PCDH11X: variants seen among roughly 807,000 people sequenced by gnomAD.
PCDH11X encodes the protein protocadherin 11 X-linked, also known as protocadherin-11 X-linked.
PCDH11X carries 18 observed loss-of-function variants against 53.3 expected under a neutral mutation model. That is an observed-to-expected ratio of 0.34 (90% CI 0.23 to 0.50). The LOEUF is 0.50. Ranked by LOEUF, PCDH11X falls within the 20% of genes least tolerant of loss-of-function variation. PCDH11X has a pLI of 0.98. For synonymous variants in PCDH11X, 279 were observed against 393.3 expected (o/e 0.71, Z 3.44); for missense variants, 570 against 1,032.4 (o/e 0.55, Z 6.14).
chrX:92,056,125 A>G (rs1332580522), intron 6 of PCDH11X, among the ~76,000 whole-genome samples: 1 of 111,271 alleles, frequency 9.0e-6, no homozygotes, highest in East Asian at 2.8e-4. Context: ...TGTCTGCTGC[A>G]ATGGTTGAAT....
intron 10 of PCDH11X, among the ~76,000 whole-genome samples, chrX:92,590,730 G>A (rs1338240875): frequency 9.1e-6 from 1 of 110,320 alleles, no homozygotes. Context: ...GTCTGGAATC[G>A]GTTTGGAAGG....
At chrX:92,468,474 T>C (rs938563053) in intron 10 of PCDH11X, 152 bp downstream of exon 10, 3 of 429,155 alleles carry the variant, frequency 7.0e-6, no homozygotes, top group African/African-American at 5.1e-5. Flanking sequence ...TTAAAATATC[T>C]GAAATCTAGG....
At chrX:92,144,350 A>G (rs2065237308) in intron 6 of PCDH11X, among the ~76,000 whole-genome samples, 1 of 110,079 alleles carries the variant, frequency 9.1e-6, no homozygotes, top group African/African-American at 3.4e-5. Flanking sequence ...CTTGAATTGT[A>G]TCTCCCAGAA....
At chrX:91,933,489 A>G (rs1189132190) in intron 6 of PCDH11X, among the ~76,000 whole-genome samples, 8 of 111,684 alleles carry the variant, frequency 7.2e-5, no homozygotes, top group African/African-American at 2.6e-4. Flanking sequence ...ACCTTCAAAC[A>G]CAATTTAGCA....
chrX:92,246,629 G>A (rs1337080039), intron 7 of PCDH11X, among the ~76,000 whole-genome samples: 6 of 111,667 alleles, frequency 5.4e-5, no homozygotes, highest in Non-Finnish European at 9.4e-5. Flanking sequence ...GGGATTATAG[G>A]TGTAAGCCAC....
At chrX:92,322,501 G>A (rs768204103) in intron 8 of PCDH11X, among the ~76,000 whole-genome samples, 349 of 111,158 alleles carry the variant, frequency 3.1e-3, no homozygotes, top group Non-Finnish European at 4.9e-3. Flanking sequence ...GTAGGGACTC[G>A]GGTATAGTCT....
intron 8 of PCDH11X, among the ~76,000 whole-genome samples, chrX:92,380,526 T>G (rs2070853378): frequency 8.9e-6 from 1 of 112,306 alleles, no homozygotes; most frequent in Admixed American, 9.4e-5. Context: ...AGGTGATTTC[T>G]ACGTAGCTGA....
intron 6 of PCDH11X, among the ~76,000 whole-genome samples, chrX:92,100,367 G>C (rs377452519): frequency 6.3e-5 from 7 of 110,390 alleles, no homozygotes; most frequent in African/African-American, 2.0e-4. Flanking sequence ...GGGTGGGGCC[G>C]TTTGATAGGA....
At chrX:91,901,112 TTAAC>T (rs1253163865) in intron 6 of PCDH11X, among the ~76,000 whole-genome samples, 1 of 110,308 alleles carries the variant, frequency 9.1e-6, no homozygotes, top group African/African-American at 3.3e-5. Context: ...CTTAGGATCT[TTAAC>T]TATAAAAATG....
At chrX:91,925,381 T>C (rs1480863923) in intron 6 of PCDH11X, among the ~76,000 whole-genome samples, 4 of 111,411 alleles carry the variant, frequency 3.6e-5, no homozygotes, top group Admixed American at 1.9e-4. Flanking sequence ...ATTTGTACCA[T>C]TGTAAAGTAA....
chrX:92,516,106 A>G (rs1266281232), intron 10 of PCDH11X, among the ~76,000 whole-genome samples: 2 of 111,466 alleles, frequency 1.8e-5, no homozygotes, highest in Non-Finnish European at 3.8e-5. Flanking sequence ...TAGAAAAGTG[A>G]CTGATTTATA....
intron 8 of PCDH11X, among the ~76,000 whole-genome samples, chrX:92,313,185 AT>A (rs58450439): frequency 0.052 from 5,668 of 108,060 alleles, 259 homozygotes; most frequent in African/African-American, 0.15. Context: ...AAATGTGTAC[AT>A]TTTTTTTTTC....
In PCDH11X at chrX:91,980,728, C is replaced by T. The variant is rs990128786; in HGVS notation, c.3033+101455C>T. On this transcript the variant is annotated intron_variant, in intron 6 of 10. Coordinates refer to ENST00000682573, the MANE Select transcript of PCDH11X (RefSeq NM_032968.5). ...GGGATTACAGGCATGAACCACCATG[C>T]CCAGCCCCAAACTGGAGATCTGTAT... is the stretch of plus-strand genomic sequence containing the variant. Among the ~76,000 whole-genome samples the T allele has an allele frequency of 4.6e-5, 5 of 107,789 alleles. No individual in the cohort carries two copies. The Admixed American group carries it at 5.1e-4, about 11-fold the overall frequency. 93.6% of individuals were successfully genotyped at this position (107,789 alleles called of 115,157 possible).
intron 6 of PCDH11X, among the ~76,000 whole-genome samples, chrX:92,094,747 C>T (rs2064107719): frequency 9.0e-6 from 1 of 111,551 alleles, no homozygotes; most frequent in African/African-American, 3.3e-5. Flanking sequence ...GGACAATATG[C>T]TATGCCATCA....
intron 7 of PCDH11X, among the ~76,000 whole-genome samples, chrX:92,258,714 G>T (rs1017970819): frequency 3.6e-5 from 4 of 111,731 alleles, no homozygotes; most frequent in African/African-American, 1.3e-4. Context: ...CCCTGAAAAT[G>T]GAGACTTTTT....
chrX:91,926,630 T>A (rs1941957433), intron 6 of PCDH11X, among the ~76,000 whole-genome samples: 2 of 111,176 alleles, frequency 1.8e-5, no homozygotes, highest in East Asian at 5.7e-4. Context: ...CATGTGTAAT[T>A]CTTATTGTAA....
intron 9 of PCDH11X, among the ~76,000 whole-genome samples, chrX:92,442,155 C>T (rs1441605486): frequency 1.8e-5 from 2 of 111,320 alleles, no homozygotes; most frequent in Non-Finnish European, 3.8e-5. Flanking sequence ...TAGGAAGTAA[C>T]GAACTTGCTT....
At chrX:92,518,157 T>A (rs1421604835) in intron 10 of PCDH11X, among the ~76,000 whole-genome samples, 1 of 111,733 alleles carries the variant, frequency 8.9e-6, no homozygotes, top group Non-Finnish European at 1.9e-5. Context: ...CTATCTGCCC[T>A]AAACCTCTTT....
intron 6 of PCDH11X, among the ~76,000 whole-genome samples, chrX:91,932,711 C>T (rs2362489): frequency 1.4e-3 from 158 of 110,265 alleles, no homozygotes; most frequent in African/African-American, 4.9e-3. Flanking sequence ...CGCGCGCGCG[C>T]GCCTGAGAAA....
Sources: gnomAD v4.1 joint callset for allele counts (sites outside exome capture counted in the v4.1 genomes callset) on GRCh38, gnomAD v4.1.1 for gene constraint, MANE v1.5 for transcripts, NCBI Gene and HGNC (gene_info 2026-07-23, HGNC 2026-07-21) for gene names.